The following FAM193A variants were observed in gnomAD, a reference collection of about 807,000 sequenced individuals.
FAM193A encodes protein FAM193A.
FAM193A carries 22 observed loss-of-function variants against 126.5 expected under a neutral mutation model. The ratio of observed to expected loss-of-function variants is 0.17; its 90% CI spans 0.12 to 0.25. FAM193A has a LOEUF of 0.25. FAM193A is among the 10% of genes least tolerant of loss of function. The probability of loss-of-function intolerance (pLI) is 1.00; values close to 1 mark genes in which losing one functional copy is unlikely to be tolerated. For missense variants in FAM193A, 1,675 were observed against 1,672.8 expected (o/e 1.00, Z -0.02); for synonymous variants, 761 against 646.8 (o/e 1.18, Z -2.68).
chr4:2,721,916 C>G (rs939451861), intron 20 of FAM193A, among the ~76,000 whole-genome samples: 1 of 152,184 alleles, frequency 6.6e-6, no homozygotes, highest in East Asian at 1.9e-4. Context: ...ACTGTCACCT[C>G]ATGGAGAACT....
At chr4:2,725,450 CAAAAA>C (rs71644355) in intron 20 of FAM193A, among the ~76,000 whole-genome samples, 5 of 31,766 alleles carry the variant, frequency 1.6e-4, no homozygotes, top group African/African-American at 2.9e-4. Flanking sequence ...ACCCTGTCTC[CAAAAA>C]AAAAAAAAAA....
chr4:2,650,626 G>A (rs150010180), intron 7 of FAM193A, among the ~76,000 whole-genome samples: 71 of 152,304 alleles, frequency 4.7e-4, no homozygotes, highest in African/African-American at 1.6e-3. Flanking sequence ...CTTGTGGGAA[G>A]CACGTGAAAG....
intron 1 of FAM193A, among the ~76,000 whole-genome samples, chr4:2,579,220 C>T (rs759456088): frequency 1.3e-5 from 2 of 151,182 alleles, no homozygotes; most frequent in Non-Finnish European, 1.5e-5. Context: ...CATGGCTGGG[C>T]GCGGTGGCTC....
At position 2,696,496 on chromosome 4, in the gene FAM193A, G is replaced by A. The variant is rs1717051290; in HGVS notation, c.3410G>A (p.Arg1137Gln). The A allele has an allele frequency of 6.2e-7, 1 of 1,614,188 alleles. No individual in the cohort carries two copies. ...ISERESVVDH[R>Q]RVEDLLQFIN... ...GAAAGGGAAAGCGTCGTTGACCATC[G>A]GAGGGTGGAGGATTTGTTGCAGTTT... Residue 1137 changes from arginine (R) to glutamine (Q), a missense_variant, in exon 18 of 21, where the codon CGG (arginine) becomes CAG (glutamine). Around this residue, in one of 4 missense-constraint regions of FAM193A, gnomAD observed 54 missense variants for 114.8 expected, o/e 0.47. Coordinates refer to ENST00000637812, the MANE Select transcript of FAM193A (RefSeq NM_001366318.2).
intron 1 of FAM193A, among the ~76,000 whole-genome samples, chr4:2,544,238 G>T (rs184967229): frequency 3.3e-5 from 5 of 152,252 alleles, no homozygotes; most frequent in African/African-American, 1.2e-4. Flanking sequence ...TTTTTTCTAT[G>T]TGTACACCTA....
intron 13 of FAM193A, among the ~76,000 whole-genome samples, chr4:2,683,372 G>C (rs1715378207): frequency 1.3e-5 from 2 of 151,206 alleles, no homozygotes; most frequent in South Asian, 4.2e-4. Context: ...TCGGCTCTCT[G>C]TAACCACTGT....
chr4:2,593,407 G>A (rs1339663688), intron 1 of FAM193A, among the ~76,000 whole-genome samples: 1 of 152,228 alleles, frequency 6.6e-6, no homozygotes, highest in Non-Finnish European at 1.5e-5. Flanking sequence ...ACAAGGTACA[G>A]CCATGTCGGC....
intron 20 of FAM193A, among the ~76,000 whole-genome samples, chr4:2,724,819 G>T (rs1049978083): frequency 6.6e-6 from 1 of 152,162 alleles, no homozygotes; most frequent in Non-Finnish European, 1.5e-5. Flanking sequence ...AGTGCATATC[G>T]TTATCAAGGG....
At chr4:2,593,738 C>T (rs1279340010) in intron 1 of FAM193A, among the ~76,000 whole-genome samples, 1 of 152,112 alleles carries the variant, frequency 6.6e-6, no homozygotes, top group Non-Finnish European at 1.5e-5. Context: ...TAGAGCCCAG[C>T]ATCTCATTCT....
intron 15 of FAM193A, 67 bp from the exon 16 acceptor site, chr4:2,693,519 A>G (rs1279598876): frequency 3.4e-6 from 5 of 1,478,676 alleles, no homozygotes; most frequent in Non-Finnish European, 4.6e-6. Context: ...GTGTTCTTTC[A>G]GATTTTCTAC....
At chr4:2,565,967 C>T (rs777441693) in intron 1 of FAM193A, among the ~76,000 whole-genome samples, 17 of 152,092 alleles carry the variant, frequency 1.1e-4, no homozygotes, top group African/African-American at 1.9e-4. Context: ...AGCTATCTAG[C>T]AAATCCAGTA....
At chr4:2,641,474 T>G (rs1169986121) in intron 6 of FAM193A, among the ~76,000 whole-genome samples, 1 of 151,504 alleles carries the variant, frequency 6.6e-6, no homozygotes, top group Admixed American at 6.6e-5. Context: ...GCTAACACGG[T>G]GAAACCTCGT....
intron 13 of FAM193A, among the ~76,000 whole-genome samples, chr4:2,673,334 A>G (rs188083046): frequency 9.0e-4 from 137 of 152,294 alleles, no homozygotes; most frequent in African/African-American, 3.1e-3. Context: ...TTCCAAACAC[A>G]TGTGTGTTTT....
At chr4:2,608,585 C>G (rs1414977618) in intron 2 of FAM193A, among the ~76,000 whole-genome samples, 1 of 152,148 alleles carries the variant, frequency 6.6e-6, no homozygotes, top group Non-Finnish European at 1.5e-5. Flanking sequence ...TGCCCATGGG[C>G]TTTGCCACCA....
At chr4:2,658,854 G>A (rs1210768830) in intron 8 of FAM193A, among the ~76,000 whole-genome samples, 15 of 152,260 alleles carry the variant, frequency 9.9e-5, no homozygotes, top group Non-Finnish European at 2.9e-5. Flanking sequence ...GGGTTCAAGC[G>A]GTACTCGTGT....
intron 5 of FAM193A, among the ~76,000 whole-genome samples, chr4:2,636,284 C>G (rs1025332067): frequency 3.3e-5 from 5 of 151,956 alleles, no homozygotes; most frequent in African/African-American, 1.2e-4. Flanking sequence ...AGGATGGTCT[C>G]GATCTCCTGA....
chr4:2,702,497 G>A (rs1230981386), intron 19 of FAM193A, among the ~76,000 whole-genome samples: 2 of 152,192 alleles, frequency 1.3e-5, no homozygotes, highest in South Asian at 2.1e-4. Context: ...TTGCTTTTAG[G>A]CCCTCTCAGT....
intron 20 of FAM193A, among the ~76,000 whole-genome samples, chr4:2,723,924 C>T (rs1272281969): frequency 1.3e-5 from 2 of 152,164 alleles, no homozygotes; most frequent in South Asian, 2.1e-4. Flanking sequence ...CCTCAGCCTC[C>T]TGGGTAGCTG....
chr4:2,568,902 CTT>C (rs150484518), intron 1 of FAM193A, among the ~76,000 whole-genome samples: 9,972 of 149,286 alleles, frequency 0.067, 573 homozygotes, highest in African/African-American at 0.15. Context: ...AGGATAAAGA[CTT>C]TAGATCATTC....
Sources: allele counts gnomAD v4.1 joint callset (sites outside exome capture counted in the v4.1 genomes callset), GRCh38; gene constraint gnomAD v4.1.1; regional missense constraint gnomAD v4.1.1; transcripts MANE v1.5; gene names NCBI Gene and HGNC (gene_info 2026-07-23, HGNC 2026-07-21).